The following PCDH9 variants were observed in gnomAD, a reference collection of about 807,000 sequenced individuals.
The protein encoded by PCDH9 is protocadherin 9, also known as protocadherin-9.
PCDH9 carries 24 observed loss-of-function variants against 70.6 expected under a neutral mutation model. That is an observed-to-expected ratio of 0.34 (90% confidence interval 0.25 to 0.48). The LOEUF (loss-of-function observed/expected upper bound fraction) is 0.48. Ranked by LOEUF, PCDH9 falls within the 20% of genes least tolerant of loss-of-function variation. The pLI, the probability that PCDH9 is intolerant of heterozygous loss-of-function variation, is 0.99. For missense variants in PCDH9, 1,281 were observed against 1,503.6 expected (o/e 0.85, Z 2.45); for synonymous variants, 562 against 558.5 (o/e 1.01, Z -0.09).
chr13:66,663,064 T>G (rs751696542), intron 3 of PCDH9, among the ~76,000 whole-genome samples: 6 of 152,190 alleles, frequency 3.9e-5, no homozygotes, highest in Non-Finnish European at 5.9e-5. Context: ...ACAGTCTCTA[T>G]AGGAGAATCT....
intron 2 of PCDH9, chr13:67,001,848 C>T (rs1243237029): frequency 6.6e-6 from 1 of 152,182 alleles, no homozygotes; most frequent in East Asian, 1.9e-4. Flanking sequence ...TCTCCCAGTA[C>T]AGGTAACTAC....
intron 3 of PCDH9, among the ~76,000 whole-genome samples, chr13:66,783,910 C>T (rs1382850284): frequency 6.6e-6 from 1 of 152,066 alleles, no homozygotes. Flanking sequence ...TTAATGATTG[C>T]CACATCCTTG....
intron 2 of PCDH9, among the ~76,000 whole-genome samples, chr13:67,174,092 G>C (rs1301426349): frequency 6.6e-6 from 1 of 151,944 alleles, no homozygotes; most frequent in African/African-American, 2.4e-5. Flanking sequence ...AGACAGTATG[G>C]TTGGCATAAA....
chr13:66,550,406 A>G (rs1961432749), intron 4 of PCDH9, among the ~76,000 whole-genome samples: 1 of 152,058 alleles, frequency 6.6e-6, no homozygotes. Flanking sequence ...TCTCTTCCCA[A>G]TTACCCCATA....
intron 3 of PCDH9, among the ~76,000 whole-genome samples, chr13:66,896,863 C>A (rs1202844936): frequency 6.6e-6 from 1 of 152,162 alleles, no homozygotes; most frequent in Non-Finnish European, 1.5e-5. Context: ...CTCCTGACAC[C>A]TGGCCTTCAC....
intron 4 of PCDH9, among the ~76,000 whole-genome samples, chr13:66,380,534 T>G (rs12865726): frequency 7.7e-6 from 1 of 129,908 alleles, no homozygotes; most frequent in African/African-American, 2.7e-5. Flanking sequence ...ATAGATCTTG[T>G]CCTTTTTTTT....
chr13:66,686,091 G>A (rs1016398060), intron 3 of PCDH9, among the ~76,000 whole-genome samples: 2 of 152,106 alleles, frequency 1.3e-5, no homozygotes, highest in Non-Finnish European at 2.9e-5. Flanking sequence ...AGATTTGGGA[G>A]GGGCCAGGAG....
At chr13:66,831,897 T>TTCC (rs2080932588) in intron 3 of PCDH9, among the ~76,000 whole-genome samples, 1 of 151,368 alleles carries the variant, frequency 6.6e-6, no homozygotes, top group Non-Finnish European at 1.5e-5. Context: ...TAATAAAAAC[T>TTCC]GTGGAAAAAA....
chr13:66,890,306 T>C (rs552880912), intron 3 of PCDH9, among the ~76,000 whole-genome samples: 57 of 152,202 alleles, frequency 3.7e-4, no homozygotes, highest in Middle Eastern at 3.4e-3. Context: ...CATTTGCATA[T>C]AGTAAAATTC....
intron 3 of PCDH9, among the ~76,000 whole-genome samples, chr13:66,738,419 G>A (rs1193925791): frequency 6.6e-6 from 1 of 151,850 alleles, no homozygotes; most frequent in East Asian, 1.9e-4. Context: ...ACTGGAAACT[G>A]TAAAACGCAG....
intron 2 of PCDH9, among the ~76,000 whole-genome samples, chr13:66,955,405 C>A (rs1000068888): frequency 6.6e-6 from 1 of 152,032 alleles, no homozygotes; most frequent in Non-Finnish European, 1.5e-5. Flanking sequence ...CCTTTGGAGC[C>A]AGGAAGAGTC....
intron 2 of PCDH9, among the ~76,000 whole-genome samples, chr13:67,126,124 A>G (rs1044578487): frequency 6.6e-6 from 1 of 152,182 alleles, no homozygotes; most frequent in Non-Finnish European, 1.5e-5. Flanking sequence ...CATGATTCAA[A>G]TTGACACCAT....
rs1959192518 is a variant in PCDH9, at chr13:66,504,273, T to C, written c.3340+126937A>G. ...ACATTTTGATATTTGTGATTATTTA[T>C]TCAATCTTAATAATTATTGTAATCA... is the stretch of plus-strand genomic sequence containing the variant. On this transcript the variant is annotated intron_variant, in intron 4 of 4. Coordinates refer to ENST00000377865, the MANE Select transcript of PCDH9 (RefSeq NM_203487.3). 5.9e-5 allele frequency among the ~76,000 whole-genome samples: 9 copies of C among 152,368 alleles called. No homozygotes were observed. The South Asian group carries it at 1.9e-3, about 32-fold the overall frequency.
At chr13:66,328,121 C>T in intron 4 of PCDH9, among the ~76,000 whole-genome samples, 1 of 152,140 alleles carries the variant, frequency 6.6e-6, no homozygotes, top group Non-Finnish European at 1.5e-5. Context: ...ACTCATCAGT[C>T]AGTTTTTAAT....
intron 2 of PCDH9, among the ~76,000 whole-genome samples, chr13:67,170,379 A>T (rs1324316868): frequency 1.3e-5 from 2 of 152,174 alleles, no homozygotes; most frequent in African/African-American, 2.4e-5. Context: ...AAGTTTCAAA[A>T]TGTGTTTGTT....
chr13:67,203,806 A>C lies in PCDH9; in HGVS notation c.3036+21599T>G, dbSNP rs561757453. 4 of 152,210 alleles carry C rather than the reference A, an allele frequency of 2.6e-5. No individual in the cohort carries two copies. The East Asian group carries it at 7.7e-4, about 29-fold the overall frequency. 9.4% of individuals were successfully genotyped at this position (152,210 alleles called of 1,614,324 possible). On this transcript the variant is annotated intron_variant, in intron 2 of 4. Coordinates refer to ENST00000377865, the MANE Select transcript of PCDH9 (RefSeq NM_203487.3). Reference sequence around the variant, plus strand: ...AAAGTCTAAGAACAGAAATTTTATTAAAGCACCTTTATGGAAATAATCAAT... The same window carrying C: ...AAAGTCTAAGAACAGAAATTTTATTCAAGCACCTTTATGGAAATAATCAAT...
chr13:66,856,609 T>C (rs988178132), intron 3 of PCDH9, among the ~76,000 whole-genome samples: 4 of 152,058 alleles, frequency 2.6e-5, no homozygotes, highest in African/African-American at 9.6e-5. Flanking sequence ...CCCATTAAAA[T>C]TTTTTATAAG....
intron 2 of PCDH9, among the ~76,000 whole-genome samples, chr13:67,109,327 A>G (rs570816897): frequency 6.6e-6 from 1 of 152,262 alleles, no homozygotes; most frequent in African/African-American, 2.4e-5. Context: ...TTGAAGTTCT[A>G]TTGTGCCAAT....
At chr13:66,700,923 A>AATATATATATAT (rs58852431) in intron 3 of PCDH9, among the ~76,000 whole-genome samples, 24 of 58,434 alleles carry the variant, frequency 4.1e-4, no homozygotes, top group South Asian at 6.5e-4. Context: ...TGTACATATA[A>AATATATATATAT]ATATATATAT....
Sources: allele counts gnomAD v4.1 joint callset (sites outside exome capture counted in the v4.1 genomes callset), GRCh38; gene constraint gnomAD v4.1.1; transcripts MANE v1.5; gene names NCBI Gene and HGNC (gene_info 2026-07-23, HGNC 2026-07-21).